NPTXR: variants seen among roughly 807,000 people sequenced by gnomAD.
NPTXR encodes neuronal pentraxin receptor.
NPTXR carries 12 observed loss-of-function variants against 32.2 expected under a neutral mutation model. The ratio of observed to expected loss-of-function variants is 0.37; its 90% CI spans 0.24 to 0.60. The LOEUF (loss-of-function observed/expected upper bound fraction) is 0.60, where lower values mean the gene tolerates loss of function less well. Among genes scored for constraint, NPTXR ranks in the 20% least tolerant of loss-of-function variants. The pLI, the probability that NPTXR is intolerant of heterozygous loss-of-function variation, is 0.66. For missense variants in NPTXR, 612 were observed against 682.9 expected (o/e 0.90, Z 1.16); for synonymous variants, 323 against 315.8 (o/e 1.02, Z -0.24).
Position 38,827,897 on chromosome 22 carries a change from C to T in NPTXR, c.850+390G>A, listed in dbSNP as rs540469381. Among the ~76,000 whole-genome samples, 4 of 152,194 alleles carry T rather than the reference C, an allele frequency of 2.6e-5. No homozygotes were observed. The East Asian group carries it at 7.7e-4, about 29-fold the overall frequency. On this transcript the variant is annotated intron_variant, in intron 2 of 4. Transcript: ENST00000333039. ...AATCCTGACCAAGTCATTGAAAATG[C>T]TATTTTGTGGGTGGTTAAATGTATG...
In NPTXR at chr22:38,834,578, C is replaced by CATCT. The variant is rs966866563; in HGVS notation, c.625-6067_625-6066insAGAT. Reference sequence around the variant, plus strand: ...TTCTCTGGCAGGGCTGCAGAGCACTCATCCATCCATCCATCCATCCATCAT... The same window carrying CATCT: ...TTCTCTGGCAGGGCTGCAGAGCACTCATCTATCCATCCATCCATCCATCCATCAT... On this transcript the variant is annotated intron_variant, in intron 1 of 4. Coordinates refer to ENST00000333039, the MANE Select transcript of NPTXR (RefSeq NM_014293.4). The surrounding 1 kb of genome is among the most constrained non-coding windows in gnomAD (Gnocchi z 4.4). Among the ~76,000 whole-genome samples the CATCT allele has an allele frequency of 1.4e-4, 19 of 134,114 alleles. No individual in the cohort carries two copies. Among genetic ancestry groups the CATCT allele is most frequent in the African/African-American group, 5.4e-4 (19 of 35,274 alleles). 88.0% of individuals were successfully genotyped at this position (134,114 alleles called of 152,430 possible).
Position 38,843,596 on chromosome 22 carries a change from C to A in NPTXR, c.263G>T (p.Gly88Val). 1.0e-5 allele frequency: 12 copies of A among 1,190,408 alleles called. No homozygotes were observed. Among genetic ancestry groups the A allele is most frequent in the Non-Finnish European group, 1.2e-5 (12 of 961,988 alleles). The allele number at this position is 1,190,408 out of a possible 1,614,324, so 73.7% of individuals were successfully genotyped here. A position where few individuals can be genotyped will look rare whatever the true frequency, so the allele number is the denominator to read the frequency against. ...GCACAGGAAGCGGCTGAACAGGGGC[C>A]CGGGCGGCAGCGGGTGCGCGCTGGC... Residue 88 changes from glycine to valine, a missense_variant, in exon 1 of 5, where the codon GGG becomes GTG. Gly to Val is a moderately radical substitution (Grantham distance 109). Transcript: ENST00000333039. This position sits in a 1 kb window ranked among gnomAD's most constrained non-coding sequence, Gnocchi z 5.3.
At position 38,834,300 on chromosome 22, in the gene NPTXR, A is replaced by G. The variant is rs1326627669; in HGVS notation, c.625-5788T>C. On this transcript the variant is annotated intron_variant, in intron 1 of 4. Coordinates refer to ENST00000333039, the MANE Select transcript of NPTXR (RefSeq NM_014293.4). The surrounding 1 kb of genome is among the most constrained non-coding windows in gnomAD (Gnocchi z 4.4). ...CTTCCACAGCCCCGTCTCCCTGCCA[A>G]TAAAGTCCCTGTCCTCCTGGCTTCA... is the stretch of plus-strand genomic sequence containing the variant. 6.6e-6 allele frequency among the ~76,000 whole-genome samples: 1 copy of G among 152,164 alleles called. No homozygotes were observed. The highest frequency in any genetic ancestry group is 6.5e-5 in the Admixed American group (1 of 15,276).
Position 38,826,553 on chromosome 22 carries a change from T to C in NPTXR, c.1045A>G (p.Ile349Val). Residue 349 changes from isoleucine (I) to valine (V), a missense_variant, in exon 3 of 5, where the codon ATT (isoleucine) becomes GTT (valine). Physicochemically the swap from Ile to Val is conservative, Grantham distance 29. Coordinates refer to ENST00000333039, the MANE Select transcript of NPTXR (RefSeq NM_014293.4). Reference sequence around the variant, plus strand: ...TCATGGCCCGCCTCTAGCAGTACAATCTCGTTGGCCTGCCCGGGCACTGAG... The same window carrying C: ...TCATGGCCCGCCTCTAGCAGTACAACCTCGTTGGCCTGCCCGGGCACTGAG... The C allele has an allele frequency of 2.5e-6, 4 of 1,614,092 alleles. No individual in the cohort carries two copies. Among genetic ancestry groups the C allele is most frequent in the Non-Finnish European group, 3.4e-6 (4 of 1,180,000 alleles).
rs749673283 is a variant in NPTXR, at chr22:38,823,154, C to T, written c.1207G>A (p.Gly403Ser). 2.6e-5 allele frequency: 42 copies of T among 1,613,990 alleles called. No homozygotes were observed. Among genetic ancestry groups the T allele is most frequent in the Non-Finnish European group, 3.5e-5 (41 of 1,180,004 alleles). ...CAGGCAGCCAGGTTCTCACCGGAGC[C>T]CTGCAGCTCCCCGTCCTGGTAGGCA... The change falls in exon 4 of 5, where the codon GGC becomes AGC. Residue 403 changes from glycine to serine, a missense_variant. Gly to Ser is a moderately conservative substitution (Grantham distance 56). Coordinates refer to ENST00000333039, the MANE Select transcript of NPTXR (RefSeq NM_014293.4).
intron 1 of NPTXR, among the ~76,000 whole-genome samples, chr22:38,839,597 A>G (rs1012881391): frequency 9.2e-5 from 14 of 152,100 alleles, no homozygotes; most frequent in African/African-American, 3.4e-4. Flanking sequence ...ATGAGCCAAG[A>G]TTGCGCCACT....
At chr22:38,831,805 C>T (rs928255914) in intron 1 of NPTXR, among the ~76,000 whole-genome samples, 1 of 152,180 alleles carries the variant, frequency 6.6e-6, no homozygotes, top group African/African-American at 2.4e-5. Flanking sequence ...AGGCTGTGCA[C>T]CGGGCCCATC....
chr22:38,841,001 A>T (rs1243110836), intron 1 of NPTXR, among the ~76,000 whole-genome samples: 1 of 152,222 alleles, frequency 6.6e-6, no homozygotes, highest in Non-Finnish European at 1.5e-5. Context: ...TCTTGGGGAC[A>T]TTAGCAAGAG....
In NPTXR at chr22:38,828,279, G is replaced by A; in HGVS notation, c.850+8C>T. On this transcript the variant is annotated splice_region_variant and intron_variant, in intron 2 of 4. Transcript: ENST00000333039. ...CCTCCAATGCCCTCTGCAGGACCCA[G>A]GACCCACCGTGCTCCAGCTCAGCCA... 3 of 1,612,082 alleles carry A rather than the reference G, an allele frequency of 1.9e-6. No homozygotes were observed. Among genetic ancestry groups the A allele is most frequent in the Non-Finnish European group, 2.5e-6 (3 of 1,179,154 alleles).
intron 1 of NPTXR, among the ~76,000 whole-genome samples, chr22:38,831,435 T>C (rs955697026): frequency 1.3e-5 from 2 of 152,124 alleles, no homozygotes; most frequent in African/African-American, 4.8e-5. Flanking sequence ...AGACTTCCTC[T>C]TGTTCATTCC....
At chr22:38,841,791 C>T (rs117313348) in intron 1 of NPTXR, among the ~76,000 whole-genome samples, 1,960 of 152,314 alleles carry the variant, frequency 0.013, 20 homozygotes, top group African/African-American at 0.022. Flanking sequence ...CCCCATTTTA[C>T]AGGCGAGAAA....
At chr22:38,832,431 G>C (rs1184704202) in intron 1 of NPTXR, among the ~76,000 whole-genome samples, 7 of 152,234 alleles carry the variant, frequency 4.6e-5, no homozygotes, top group African/African-American at 1.7e-4. Flanking sequence ...CTGGGAGTCC[G>C]GGGTGGGGTT....
chr22:38,843,741 C>T lies in NPTXR; in HGVS notation c.118G>A (p.Ala40Thr), dbSNP rs978429804. 3.0e-6 allele frequency: 3 copies of T among 996,066 alleles called. No individual in the cohort carries two copies. Among genetic ancestry groups the T allele is most frequent in the East Asian group, 2.0e-4 (2 of 9,762 alleles). The allele number at this position is 996,066 out of a possible 1,614,324, so 61.7% of individuals were successfully genotyped here. ...CCCGAGGCGACCGAAGCATTGTCGG[C>T]GCCGCCGGGCAGCGCCCGCGCCGGG... The change falls in exon 1 of 5, where the codon GCC becomes ACC. Residue 40 changes from alanine to threonine, a missense_variant. Physicochemically the swap from Ala to Thr is moderately conservative, Grantham distance 58 (BLOSUM62 0). Transcript: ENST00000333039. This position sits in a 1 kb window ranked among gnomAD's most constrained non-coding sequence, Gnocchi z 5.3.
In NPTXR at chr22:38,843,361, C is replaced by T. The variant is rs1268175239; in HGVS notation, c.498G>A (p.Pro166=). 5.0e-6 allele frequency: 7 copies of T among 1,409,342 alleles called. No individual in the cohort carries two copies. The highest frequency in any genetic ancestry group is 5.5e-6 in the Non-Finnish European group (6 of 1,089,676). The allele number at this position is 1,409,342 out of a possible 1,614,324, so 87.3% of individuals were successfully genotyped here. Reference sequence around the variant, plus strand: ...GGGGCCCGGCGCCCTGGAGGCCGCGCGGCAGGCCGCTCTCGCAGCGGCCCA... The same window carrying T: ...GGGGCCCGGCGCCCTGGAGGCCGCGTGGCAGGCCGCTCTCGCAGCGGCCCA... Residue 166 remains proline (P), a synonymous_variant, in exon 1 of 5, where the codon CCG becomes CCA. Coordinates refer to ENST00000333039, the MANE Select transcript of NPTXR (RefSeq NM_014293.4). This position sits in a 1 kb window ranked among gnomAD's most constrained non-coding sequence, Gnocchi z 5.3.
At chr22:38,833,816 A>G (rs1858808063) in intron 1 of NPTXR, among the ~76,000 whole-genome samples, 1 of 151,946 alleles carries the variant, frequency 6.6e-6, no homozygotes, top group South Asian at 2.1e-4. Context: ...AGCTGGGACT[A>G]CAGGCGCCTG....
At chr22:38,827,143 C>A (rs1359354523) in intron 2 of NPTXR, among the ~76,000 whole-genome samples, 1 of 152,116 alleles carries the variant, frequency 6.6e-6, no homozygotes, top group Non-Finnish European at 1.5e-5. Flanking sequence ...CCTGCGATGG[C>A]CCCTCCATTC....
At chr22:38,828,157 T>C in intron 2 of NPTXR, 130 bp downstream of exon 2, 1 of 687,422 alleles carries the variant, frequency 1.5e-6, no homozygotes, top group Non-Finnish European at 2.6e-6. Flanking sequence ...CTCTCCACTG[T>C]GTGTTCCACA....
Position 38,843,161 on chromosome 22 carries a change from G to A in NPTXR, c.624+74C>T, listed in dbSNP as rs995113591. On this transcript the variant is annotated intron_variant, in intron 1 of 4. Coordinates refer to ENST00000333039, the MANE Select transcript of NPTXR (RefSeq NM_014293.4). The surrounding 1 kb of genome is among the most constrained non-coding windows in gnomAD (Gnocchi z 5.3). ...ACAGACGGGAGACCGGAGGCTCGGG[G>A]ACCGCCGGACGACCGCGGCCGGGCG... 67 of 1,225,032 alleles carry A rather than the reference G, an allele frequency of 5.5e-5. No homozygotes were observed. The highest frequency in any genetic ancestry group is 8.7e-5 in the Admixed American group (2 of 23,018). 75.9% of individuals were successfully genotyped at this position (1,225,032 alleles called of 1,614,324 possible). A position where few individuals can be genotyped will look rare whatever the true frequency, so the allele number is the denominator to read the frequency against.
At chr22:38,829,853 G>T (rs924209275) in intron 1 of NPTXR, among the ~76,000 whole-genome samples, 1 of 152,200 alleles carries the variant, frequency 6.6e-6, no homozygotes, top group Admixed American at 6.5e-5. Context: ...CGAGGGGATG[G>T]CCTTGCAGCC....
Sources: allele counts gnomAD v4.1 joint callset (sites outside exome capture counted in the v4.1 genomes callset), GRCh38; gene constraint gnomAD v4.1.1; non-coding constraint Gnocchi (gnomAD v3.1); transcripts MANE v1.5; gene names NCBI Gene and HGNC (gene_info 2026-07-23, HGNC 2026-07-21).